The following COL14A1 variants were observed in gnomAD, a reference collection of about 807,000 sequenced individuals.
COL14A1 encodes the protein collagen alpha-1(XIV) chain.
In COL14A1, 136 loss-of-function variants were observed where a neutral mutation model predicts 230.3. The ratio of observed to expected loss-of-function variants is 0.59; its 90% confidence interval spans 0.51 to 0.68. COL14A1 has a LOEUF of 0.68. Among genes scored for constraint, COL14A1 ranks in the 30% least tolerant of loss-of-function variants. COL14A1 has a pLI of 0.00. For synonymous variants in COL14A1, 792 were observed against 784.1 expected (o/e 1.01, Z -0.17); for missense variants, 1,976 against 2,215.8 (o/e 0.89, Z 2.17).
At chr8:120,289,924 A>G (rs1266324749) in intron 34 of COL14A1, among the ~76,000 whole-genome samples, 158 bp downstream of exon 34, 1 of 152,210 alleles carries the variant, frequency 6.6e-6, no homozygotes, top group Non-Finnish European at 1.5e-5. Flanking sequence ...AGATGGATGG[A>G]TAAATAAATA....
In COL14A1 at chr8:120,207,105, G is replaced by A. The variant is rs146839020; in HGVS notation, c.1191+11G>A. The A allele has an allele frequency of 3.0e-3, 4,737 of 1,603,650 alleles. 44 individuals carry two copies. The highest frequency in any genetic ancestry group is 2.1e-3 in the Non-Finnish European group (2,437 of 1,176,132). ...GGAAAACCAGACGAGGTAATAAGGA[G>A]AGAGTATTTTCAAACCATTCTTTTT... is the stretch of plus-strand genomic sequence containing the variant. On this transcript the variant is annotated intron_variant, in intron 10 of 47. Transcript: ENST00000297848.
At chr8:120,208,984 T>TA (rs1238925109) in intron 11 of COL14A1, among the ~76,000 whole-genome samples, 3 of 152,166 alleles carry the variant, frequency 2.0e-5, no homozygotes, top group Non-Finnish European at 4.4e-5. Flanking sequence ...AAAATTGCTC[T>TA]AAAAAATCTG....
In COL14A1 at chr8:120,230,624, C is replaced by A. The variant is rs559239305; in HGVS notation, c.2198-843C>A. 1.2e-4 allele frequency among the ~76,000 whole-genome samples: 19 copies of A among 152,242 alleles called. No individual in the cohort carries two copies. In the South Asian group the frequency reaches 3.7e-3, roughly 30 times the overall value. On this transcript the variant is annotated intron_variant, in intron 18 of 47. Coordinates refer to ENST00000297848, the MANE Select transcript of COL14A1 (RefSeq NM_021110.4). ...CCCATTCCCATTGCCTGGTAGCCCC[C>A]CTGCAATGTTGCCAGGTAAATGTCA...
At chr8:120,132,281 G>A (rs1424664084) in intron 1 of COL14A1, among the ~76,000 whole-genome samples, 4 of 152,292 alleles carry the variant, frequency 2.6e-5, no homozygotes, top group Admixed American at 2.6e-4. Context: ...CATACAGCTA[G>A]CCAGCTATTC....
intron 19 of COL14A1, among the ~76,000 whole-genome samples, chr8:120,241,144 T>A (rs1586796368): frequency 2.6e-5 from 4 of 152,220 alleles, no homozygotes; most frequent in African/African-American, 4.8e-5. Flanking sequence ...GTTTCAGATA[T>A]TAAGATTAAC....
At chr8:120,294,788 G>C (rs893060035) in intron 34 of COL14A1, among the ~76,000 whole-genome samples, 1 of 151,720 alleles carries the variant, frequency 6.6e-6, no homozygotes, top group Non-Finnish European at 1.5e-5. Flanking sequence ...GAATAAATCT[G>C]TTGTACTCAA....
chr8:120,267,075 G>C (rs1372839143), intron 25 of COL14A1, 192 bp downstream of exon 25: 1 of 551,542 alleles, frequency 1.8e-6, no homozygotes, highest in African/African-American at 1.9e-5. Flanking sequence ...TGCACACAAA[G>C]AGTGGATTTA....
intron 34 of COL14A1, among the ~76,000 whole-genome samples, chr8:120,296,301 A>G (rs1417889353): frequency 6.6e-6 from 1 of 151,910 alleles, no homozygotes; most frequent in African/African-American, 2.4e-5. Flanking sequence ...TACTTTATTG[A>G]TCAGTTGGAA....
chr8:120,367,635 AG>A (rs954323696), intron 46 of COL14A1, among the ~76,000 whole-genome samples: 1 of 152,146 alleles, frequency 6.6e-6, no homozygotes, highest in Admixed American at 6.6e-5. Flanking sequence ...TCCAAGAGAA[AG>A]AAAAAGAAGG....
At position 120,195,113 on chromosome 8, in the gene COL14A1, T is replaced by A. The variant is rs1386903253; in HGVS notation, c.437-1678T>A. Among the ~76,000 whole-genome samples, 3 of 152,178 alleles carry A rather than the reference T, an allele frequency of 2.0e-5. No individual in the cohort carries two copies. In the East Asian group the frequency reaches 5.8e-4, roughly 29 times the overall value. Reference sequence around the variant, plus strand: ...CATTGGCAAATTCATTTTTTCCCCATCTGGTAAAAGCATCTAGGTATCCCA... The same window carrying A: ...CATTGGCAAATTCATTTTTTCCCCAACTGGTAAAAGCATCTAGGTATCCCA... On this transcript the variant is annotated intron_variant, in intron 5 of 47. Coordinates refer to ENST00000297848, the MANE Select transcript of COL14A1 (RefSeq NM_021110.4).
chr8:120,194,767 A>G (rs1816967330), intron 5 of COL14A1, among the ~76,000 whole-genome samples: 1 of 152,212 alleles, frequency 6.6e-6, no homozygotes, highest in Admixed American at 6.5e-5. Context: ...GTTTTGGAAA[A>G]GAAAGAAAAC....
intron 40 of COL14A1, among the ~76,000 whole-genome samples, chr8:120,318,110 A>T (rs767589182): frequency 6.6e-6 from 1 of 152,218 alleles, no homozygotes. Context: ...ATAAAACATA[A>T]TGGTGCCCCT....
intron 4 of COL14A1, among the ~76,000 whole-genome samples, chr8:120,165,153 A>G (rs1317180284): frequency 6.6e-6 from 1 of 152,228 alleles, no homozygotes; most frequent in African/African-American, 2.4e-5. Context: ...AATAAAATGA[A>G]AATTGCTTGG....
At chr8:120,304,073 G>C (rs1457550439) in intron 36 of COL14A1, among the ~76,000 whole-genome samples, 1 of 151,904 alleles carries the variant, frequency 6.6e-6, no homozygotes, top group Admixed American at 6.6e-5. Context: ...ATTTCTGTGG[G>C]GTCAGTGTAA....
chr8:120,357,356 G>T lies in COL14A1; in HGVS notation c.5078-9815G>T, dbSNP rs148555161. ...TCAGTTCCTCACTGTGGAGCTCTTC[G>T]TGGGGCATGGTTGAGAATTCATTTT... On this transcript the variant is annotated intron_variant, in intron 45 of 47. Coordinates refer to ENST00000297848, the MANE Select transcript of COL14A1 (RefSeq NM_021110.4). Among the ~76,000 whole-genome samples, 348 of 152,210 alleles carry T rather than the reference G, an allele frequency of 2.3e-3. 6 individuals are homozygous for T. The highest frequency in any genetic ancestry group is 0.02 in the East Asian group (105 of 5,154).
intron 25 of COL14A1, among the ~76,000 whole-genome samples, chr8:120,269,538 C>T (rs1022767024): frequency 2.0e-5 from 3 of 151,858 alleles, no homozygotes; most frequent in Admixed American, 2.0e-4. Flanking sequence ...AAGTGAATAT[C>T]AAATTATAAT....
chr8:120,349,033 G>T (rs1302557761), intron 45 of COL14A1, among the ~76,000 whole-genome samples: 1 of 152,164 alleles, frequency 6.6e-6, no homozygotes, highest in East Asian at 1.9e-4. Context: ...CACGCAGCTG[G>T]AGATCTGAGA....
chr8:120,279,138 G>A (rs917406058), intron 28 of COL14A1, among the ~76,000 whole-genome samples: 2 of 150,756 alleles, frequency 1.3e-5, no homozygotes, highest in Admixed American at 6.6e-5. Context: ...CATCACACAC[G>A]GGGGCCTGTC....
At chr8:120,371,006 A>G in intron 47 of COL14A1, 146 bp from the exon 48 acceptor site, 1 of 1,039,964 alleles carries the variant, frequency 9.6e-7, no homozygotes, top group Non-Finnish European at 1.4e-6. Context: ...CTTATGGGGA[A>G]GGTACAAGGG....
Sources: allele counts gnomAD v4.1 joint callset (sites outside exome capture counted in the v4.1 genomes callset), GRCh38; gene constraint gnomAD v4.1.1; transcripts MANE v1.5; gene names NCBI Gene and HGNC (gene_info 2026-07-23, HGNC 2026-07-21).